PDLIM5: variants seen among roughly 807,000 people sequenced by gnomAD.
PDLIM5 encodes PDZ and LIM domain protein 5.
Under a neutral mutation model 64.2 loss-of-function variants are expected in PDLIM5, and 34 were observed. That is an observed-to-expected ratio of 0.53 (90% CI 0.40 to 0.71). The LOEUF (loss-of-function observed/expected upper bound fraction) is 0.71. Among genes scored for constraint, PDLIM5 ranks in the 30% least tolerant of loss-of-function variants. The pLI, the probability that PDLIM5 is intolerant of heterozygous loss-of-function variation, is 0.00. For synonymous variants in PDLIM5, 253 were observed against 269.1 expected (o/e 0.94, Z 0.59); for missense variants, 683 against 733.6 (o/e 0.93, Z 0.80).
intron 10 of PDLIM5, among the ~76,000 whole-genome samples, chr4:94,656,198 C>G (rs1742198126): frequency 6.6e-6 from 1 of 151,998 alleles, no homozygotes; most frequent in Non-Finnish European, 1.5e-5. Flanking sequence ...CTAGTTTGCT[C>G]TTTATAAGTA....
At chr4:94,495,025 G>T (rs185167318) in intron 2 of PDLIM5, among the ~76,000 whole-genome samples, 1 of 151,106 alleles carries the variant, frequency 6.6e-6, no homozygotes, top group Admixed American at 6.6e-5. Context: ...GATTACAGGC[G>T]TGAGCCACCA....
At chr4:94,577,166 G>A (rs912885817) in intron 5 of PDLIM5, 12 of 455,148 alleles carry the variant, frequency 2.6e-5, no homozygotes, top group Non-Finnish European at 4.9e-5. Flanking sequence ...TTAAAAGGAA[G>A]ACAAAGGGAA....
Position 94,481,759 on chromosome 4 carries a change from C to T in PDLIM5, c.96+26375C>T, listed in dbSNP as rs1224965653. Among the ~76,000 whole-genome samples, 4 of 150,598 alleles carry T rather than the reference C, an allele frequency of 2.7e-5. No individual in the cohort carries two copies. In the Admixed American group the frequency reaches 2.7e-4, roughly 10 times the overall value. ...GAGTAGCTGGGTCTACAGGCGCCCGCCACCACACCTGGCTAATTTTTTTGT... is the reference window on the plus strand; with the variant it reads ...GAGTAGCTGGGTCTACAGGCGCCCGTCACCACACCTGGCTAATTTTTTTGT... On this transcript the variant is annotated intron_variant, in intron 2 of 12. Transcript: ENST00000317968.
intron 2 of PDLIM5, among the ~76,000 whole-genome samples, chr4:94,484,688 G>A (rs41328444): frequency 0.015 from 2,225 of 152,262 alleles, 41 homozygotes; most frequent in African/African-American, 0.046. Context: ...GTAGGGGTTT[G>A]TGTTATACTG....
intron 2 of PDLIM5, among the ~76,000 whole-genome samples, chr4:94,497,833 T>C (rs1347808016): frequency 6.6e-6 from 1 of 152,146 alleles, no homozygotes; most frequent in African/African-American, 2.4e-5. Flanking sequence ...CCAACATTTG[T>C]CTCTTTAAAA....
At chr4:94,546,719 G>A (rs529549372) in intron 3 of PDLIM5, among the ~76,000 whole-genome samples, 109 of 151,858 alleles carry the variant, frequency 7.2e-4, no homozygotes, top group Non-Finnish European at 1.3e-3. Flanking sequence ...CTAAATCTAC[G>A]GTAAGTGGTG....
intron 2 of PDLIM5, among the ~76,000 whole-genome samples, chr4:94,511,680 A>C (rs1033563062): frequency 6.6e-6 from 1 of 151,846 alleles, no homozygotes; most frequent in African/African-American, 2.4e-5. Flanking sequence ...GTGTCAATGA[A>C]TTCAATTATT....
At chr4:94,587,340 G>C (rs1320616545) in intron 7 of PDLIM5, 4 of 1,242,386 alleles carry the variant, frequency 3.2e-6, no homozygotes. Context: ...ATTTGTATCT[G>C]TTTTTGTTGT....
intron 7 of PDLIM5, among the ~76,000 whole-genome samples, chr4:94,612,607 G>C (rs1162355857): frequency 6.6e-6 from 1 of 152,166 alleles, no homozygotes; most frequent in African/African-American, 2.4e-5. Flanking sequence ...CACCTCTAGA[G>C]CGAGTATTAG....
intron 4 of PDLIM5, among the ~76,000 whole-genome samples, chr4:94,575,012 A>G (rs1030128391): frequency 1.1e-4 from 16 of 150,354 alleles, no homozygotes; most frequent in African/African-American, 3.4e-4. Context: ...TTTTTTTTCA[A>G]ATTCTTTAAG....
intron 3 of PDLIM5, among the ~76,000 whole-genome samples, chr4:94,557,412 C>T (rs1048230579): frequency 1.3e-5 from 2 of 152,078 alleles, no homozygotes; most frequent in Admixed American, 6.5e-5. Context: ...TCCATATGAA[C>T]TTTAAAGTAG....
In PDLIM5 at chr4:94,579,470, TA is replaced by T. The variant is rs201581405; in HGVS notation, c.710+3445del. The T allele has an allele frequency of 4.3e-3, 4,130 of 951,908 alleles. 17 individuals are homozygous for T. The highest frequency in any genetic ancestry group is 5.4e-3 in the South Asian group (291 of 53,452). The allele number at this position is 951,908 out of a possible 1,614,324, so 59.0% of individuals were successfully genotyped here. On this transcript the variant is annotated intron_variant, in intron 5 of 12. Coordinates refer to ENST00000317968, the MANE Select transcript of PDLIM5 (RefSeq NM_006457.5). ...TTTGAAGAACCTGGCCTTGGAAGATTAAAAAAAAATGATGTGGTAGTAATAT... is the reference window on the plus strand; with the variant it reads ...TTTGAAGAACCTGGCCTTGGAAGATTAAAAAAAATGATGTGGTAGTAATAT...
chr4:94,609,902 G>A (rs925179237), intron 7 of PDLIM5, among the ~76,000 whole-genome samples: 14 of 152,190 alleles, frequency 9.2e-5, no homozygotes, highest in Admixed American at 9.2e-4. Flanking sequence ...TAGGAATACA[G>A]TCAGTGAATT....
chr4:94,494,500 T>G (rs1727195701), intron 2 of PDLIM5, among the ~76,000 whole-genome samples: 1 of 144,580 alleles, frequency 6.9e-6, no homozygotes, highest in Admixed American at 7.3e-5. Flanking sequence ...AGTGCAATGG[T>G]GTGATCTCTG....
intron 3 of PDLIM5, among the ~76,000 whole-genome samples, chr4:94,547,557 G>A (rs1732430700): frequency 2.0e-5 from 3 of 151,994 alleles, no homozygotes; most frequent in Admixed American, 1.3e-4. Flanking sequence ...ATTCCATCTG[G>A]TACCCTAAAT....
chr4:94,469,858 A>G (rs1240072196), intron 2 of PDLIM5, among the ~76,000 whole-genome samples: 2 of 151,790 alleles, frequency 1.3e-5, no homozygotes, highest in Admixed American at 6.6e-5. Context: ...TCATTTAAAT[A>G]TATGTTTGTC....
At chr4:94,466,611 C>G (rs1347419480) in intron 2 of PDLIM5, among the ~76,000 whole-genome samples, 1 of 152,096 alleles carries the variant, frequency 6.6e-6, no homozygotes, top group Non-Finnish European at 1.5e-5. Flanking sequence ...TTACTTAGAT[C>G]ATTTCAGCAA....
At chr4:94,557,253 C>G (rs1456970443) in intron 3 of PDLIM5, among the ~76,000 whole-genome samples, 3 of 152,012 alleles carry the variant, frequency 2.0e-5, no homozygotes, top group Admixed American at 2.0e-4. Flanking sequence ...CTGTTCTGTT[C>G]CATTGGTCTA....
chr4:94,610,315 AC>A (rs1487757332), intron 7 of PDLIM5: 2 of 1,493,004 alleles, frequency 1.3e-6, no homozygotes, highest in African/African-American at 2.8e-5. Flanking sequence ...GTAGAACTAC[AC>A]GTACAGCGTC....
Sources: gnomAD v4.1 joint callset for allele counts (sites outside exome capture counted in the v4.1 genomes callset) on GRCh38, gnomAD v4.1.1 for gene constraint, MANE v1.5 for transcripts, NCBI Gene and HGNC (gene_info 2026-07-23, HGNC 2026-07-21) for gene names.